RIMBP2: variants seen among roughly 807,000 people sequenced by gnomAD.
The protein encoded by RIMBP2 is RIMS binding protein 2, also known as RIMS-binding protein 2.
A neutral mutation model predicts 118.6 loss-of-function variants in RIMBP2; 48 were observed. The observed-to-expected ratio is 0.40, with a 90% CI of 0.32 to 0.51. RIMBP2 has a LOEUF of 0.51. Ranked by LOEUF, RIMBP2 falls within the 20% of genes least tolerant of loss-of-function variation. The pLI, the probability that RIMBP2 is intolerant of heterozygous loss-of-function variation, is 0.41. For missense variants in RIMBP2, 1,551 were observed against 1,768.3 expected, an observed-to-expected ratio of 0.88 and a Z score of 2.20; for synonymous variants, 762 against 742.9, an observed-to-expected ratio of 1.03 and a Z score of -0.42.
intron 1 of RIMBP2, among the ~76,000 whole-genome samples, chr12:130,675,200 C>T (rs1038890434): frequency 2.0e-5 from 3 of 152,226 alleles, no homozygotes; most frequent in East Asian, 3.8e-4. Flanking sequence ...TTGACGGAGC[C>T]GCGGCCTCTG....
chr12:130,670,188 A>AG lies in RIMBP2; in HGVS notation c.-351-41733dup, dbSNP rs2064133296. On this transcript the variant is annotated intron_variant, in intron 1 of 22. Coordinates refer to ENST00000690449, the MANE Select transcript of RIMBP2 (RefSeq NM_001393629.1). This position sits in a 1 kb window ranked among gnomAD's most constrained non-coding sequence, Gnocchi z 4.9. The stretch of plus-strand genomic sequence containing the variant: ...CCTACGGTTGGGAGAGACAAGGAAG[A>AG]GGCCCTCCCTTGAGCTCTGGGAGGG... Among the ~76,000 whole-genome samples the AG allele has an allele frequency of 6.6e-6, 1 of 152,068 alleles. No individual in the cohort carries two copies. The highest frequency in any genetic ancestry group is 2.1e-4 in the South Asian group (1 of 4,816).
intron 1 of RIMBP2, among the ~76,000 whole-genome samples, chr12:130,642,361 T>G (rs1384875439): frequency 1.3e-5 from 2 of 152,188 alleles, no homozygotes; most frequent in Non-Finnish European, 2.9e-5. Context: ...CTCAGCTCAC[T>G]GTAACCTCCA....
chr12:130,471,762 G>T (rs762620806), intron 5 of RIMBP2: 1 of 152,358 alleles, frequency 6.6e-6, no homozygotes, highest in African/African-American at 2.4e-5. Flanking sequence ...CCTGGATAGC[G>T]GATCCTCTGG....
chr12:130,505,262 C>A (rs956141944), intron 4 of RIMBP2, among the ~76,000 whole-genome samples: 1 of 152,060 alleles, frequency 6.6e-6, no homozygotes, highest in Admixed American at 6.5e-5. Context: ...AATAGGGCAT[C>A]TTTCTTTGCT....
chr12:130,609,204 C>T (rs1223839518), intron 2 of RIMBP2, among the ~76,000 whole-genome samples: 1 of 151,936 alleles, frequency 6.6e-6, no homozygotes, highest in Non-Finnish European at 1.5e-5. Context: ...CTGTCTGCAC[C>T]CCCACGTATG....
intron 4 of RIMBP2, among the ~76,000 whole-genome samples, chr12:130,489,521 CCT>C (rs766674149): frequency 3.3e-5 from 5 of 152,138 alleles, no homozygotes; most frequent in Non-Finnish European, 5.9e-5. Flanking sequence ...GATTTCTACC[CCT>C]CTCTCTGCCT....
intron 2 of RIMBP2, among the ~76,000 whole-genome samples, chr12:130,555,227 G>A (rs7955189): frequency 0.76 from 115,013 of 152,080 alleles, 44,070 homozygotes; most frequent in Non-Finnish European, 0.82. Flanking sequence ...GAGATGAATC[G>A]GGAAAACAGC....
rs7956343 is a variant in RIMBP2, at chr12:130,688,548, T to A, written c.-352+27674A>T. Reference sequence around the variant, plus strand: ...CCCAAGCATGAGTCGTCTTCACCCCTCCATCCGTTACCCCCTGTCAGTTAC... The same window carrying A: ...CCCAAGCATGAGTCGTCTTCACCCCACCATCCGTTACCCCCTGTCAGTTAC... On this transcript the variant is annotated intron_variant, in intron 1 of 22. Transcript: ENST00000690449. This position sits in a 1 kb window ranked among gnomAD's most constrained non-coding sequence, Gnocchi z 4.7. 6.6e-6 allele frequency among the ~76,000 whole-genome samples: 1 copy of A among 150,958 alleles called. No homozygotes were observed. Among genetic ancestry groups the A allele is most frequent in the South Asian group, 2.1e-4 (1 of 4,774 alleles).
intron 1 of RIMBP2, among the ~76,000 whole-genome samples, chr12:130,645,542 C>T (rs2062828072): frequency 6.6e-6 from 1 of 152,198 alleles, no homozygotes. Context: ...GAACTCAAGC[C>T]AGTTCAAAGT....
In RIMBP2 at chr12:130,646,361, A is replaced by G. The variant is rs368254238; in HGVS notation, c.-351-17905T>C. On this transcript the variant is annotated intron_variant, in intron 1 of 22. Coordinates refer to ENST00000690449, the MANE Select transcript of RIMBP2 (RefSeq NM_001393629.1). Reference sequence around the variant, plus strand: ...CACCTCCCTCACCACCTCCCTCACCACCTCCCTCACCACCTCCCTCACCAC... The same window carrying G: ...CACCTCCCTCACCACCTCCCTCACCGCCTCCCTCACCACCTCCCTCACCAC... Among the ~76,000 whole-genome samples, 22 of 126,482 alleles carry G rather than the reference A, an allele frequency of 1.7e-4. 8 individuals carry two copies. The highest frequency in any genetic ancestry group is 2.3e-4 in the African/African-American group (8 of 34,310). 83.0% of individuals were successfully genotyped at this position (126,482 alleles called of 152,430 possible).
At chr12:130,630,965 A>G (rs1205852468) in intron 1 of RIMBP2, among the ~76,000 whole-genome samples, 1 of 152,136 alleles carries the variant, frequency 6.6e-6, no homozygotes, top group African/African-American at 2.4e-5. Flanking sequence ...GAAAAAAAAA[A>G]GATAAAAGGG....
chr12:130,604,255 C>T (rs1374505454), intron 2 of RIMBP2, among the ~76,000 whole-genome samples: 4 of 144,252 alleles, frequency 2.8e-5, no homozygotes, highest in Admixed American at 7.0e-5. Context: ...TTTCAAGATA[C>T]GTGTTATTAC....
In RIMBP2 at chr12:130,576,663, G is replaced by C. The variant is rs551649926; in HGVS notation, c.-217+51659C>G. Among the ~76,000 whole-genome samples the C allele has an allele frequency of 6.6e-6, 1 of 152,340 alleles. No homozygotes were observed. Among genetic ancestry groups the C allele is most frequent in the African/African-American group, 2.4e-5 (1 of 41,580 alleles). On this transcript the variant is annotated intron_variant, in intron 2 of 22. Transcript: ENST00000690449. The surrounding 1 kb of genome is among the most constrained non-coding windows in gnomAD (Gnocchi z 4.2). ...ATGAGGATGAAGCACGAGCTGGCAG[G>C]ACAGGGAGGACGGCAGGGAGTCCTT...
chr12:130,589,068 G>A (rs913163088), intron 2 of RIMBP2, among the ~76,000 whole-genome samples: 8 of 152,220 alleles, frequency 5.3e-5, no homozygotes, highest in African/African-American at 1.7e-4. Context: ...GTGTCGATAA[G>A]ACTTGCTAAC....
rs928263577 is a variant in RIMBP2 at position 130,596,027 on chromosome 12, A to G, written c.-217+32295T>C. On this transcript the variant is annotated intron_variant, in intron 2 of 22. Transcript: ENST00000690449. ...TTCAGCCAAGAAGTATGGTAGAAAG[A>G]CATCCCAGTAACCAACACAGATGTT... 1.1e-4 allele frequency among the ~76,000 whole-genome samples: 17 copies of G among 152,356 alleles called. 1 individual carries two copies. Among genetic ancestry groups the G allele is most frequent in the Middle Eastern group, 6.8e-3 (2 of 294 alleles).
intron 7 of RIMBP2, among the ~76,000 whole-genome samples, chr12:130,454,726 T>C (rs569428966): frequency 1.3e-5 from 2 of 152,340 alleles, no homozygotes; most frequent in East Asian, 3.9e-4. Flanking sequence ...TTTTCCACAG[T>C]GGTTAATCAG....
intron 2 of RIMBP2, among the ~76,000 whole-genome samples, chr12:130,567,302 G>A (rs1593828794): frequency 1.3e-5 from 2 of 152,174 alleles, no homozygotes; most frequent in South Asian, 2.1e-4. Flanking sequence ...GCTGGCGTAT[G>A]CACCACAAGA....
intron 2 of RIMBP2, among the ~76,000 whole-genome samples, chr12:130,538,997 C>G (rs1464684716): frequency 6.6e-6 from 1 of 152,176 alleles, no homozygotes; most frequent in Non-Finnish European, 1.5e-5. Flanking sequence ...CTCTGCAGAG[C>G]TCCTGGGGCT....
At chr12:130,438,335 A>ACCGGGGGCC in intron 12 of RIMBP2, 30 bp downstream of exon 12, 1 of 865,014 alleles carries the variant, frequency 1.2e-6, no homozygotes, top group Non-Finnish European at 1.9e-6. Flanking sequence ...GGCCTAACAA[A>ACCGGGGGCC]CCCTCCCCAC....
Sources: allele counts gnomAD v4.1 joint callset (sites outside exome capture counted in the v4.1 genomes callset), GRCh38; gene constraint gnomAD v4.1.1; non-coding constraint Gnocchi (gnomAD v3.1); transcripts MANE v1.5; gene names NCBI Gene and HGNC (gene_info 2026-07-23, HGNC 2026-07-21).